The following RPL39L variants were observed in gnomAD, a reference collection of about 807,000 sequenced individuals.
RPL39L encodes the protein ribosomal protein eL39-like 2.
For missense variants in RPL39L, 48 were observed against 58.9 expected (o/e 0.81, Z 0.61); for synonymous variants, 16 against 20.1 (o/e 0.80, Z 0.55).
At chr3:187,137,516 AG>A in intron 1 of RPL39L, among the ~76,000 whole-genome samples, 1 of 152,240 alleles carries the variant, frequency 6.6e-6, no homozygotes, top group East Asian at 1.9e-4. Context: ...TCTTCAAAAA[AG>A]AAAAAGAAAA....
intron 1 of RPL39L, among the ~76,000 whole-genome samples, chr3:187,131,161 C>T (rs1311340764): frequency 2.6e-5 from 4 of 152,188 alleles, no homozygotes; most frequent in Admixed American, 6.5e-5. Flanking sequence ...TCTGTATTTG[C>T]GACCACTGTC....
At chr3:187,125,864 C>T (rs1287260055) in intron 2 of RPL39L, among the ~76,000 whole-genome samples, 3 of 152,104 alleles carry the variant, frequency 2.0e-5, no homozygotes, top group South Asian at 2.1e-4. Context: ...TATCACAAAT[C>T]GTGAAGTGGA....
intron 1 of RPL39L, among the ~76,000 whole-genome samples, chr3:187,129,037 C>T (rs1307786639): frequency 6.6e-6 from 1 of 152,106 alleles, no homozygotes; most frequent in Non-Finnish European, 1.5e-5. Flanking sequence ...TGTTATGATG[C>T]CTAATCATTA....
chr3:187,122,593 GAGAA>G (rs992394373), intron 2 of RPL39L, among the ~76,000 whole-genome samples: 3 of 152,088 alleles, frequency 2.0e-5, no homozygotes, highest in Admixed American at 1.3e-4. Flanking sequence ...GCAGGAAGAA[GAGAA>G]AGAAAGAAAG....
intron 1 of RPL39L, among the ~76,000 whole-genome samples, chr3:187,130,448 G>GTC (rs1441251646): frequency 6.6e-6 from 1 of 152,154 alleles, no homozygotes; most frequent in Non-Finnish European, 1.5e-5. Context: ...TGGTGCTGCC[G>GTC]TCGTGACAGT....
At chr3:187,123,127 G>C (rs1720340949) in intron 2 of RPL39L, among the ~76,000 whole-genome samples, 1 of 152,134 alleles carries the variant, frequency 6.6e-6, no homozygotes, top group South Asian at 2.1e-4. Flanking sequence ...AGACACTTCT[G>C]AGACAACTGC....
intron 1 of RPL39L, among the ~76,000 whole-genome samples, chr3:187,138,676 G>A (rs1168827980): frequency 6.6e-6 from 1 of 152,154 alleles, no homozygotes; most frequent in Non-Finnish European, 1.5e-5. Context: ...GAGGTGGCAG[G>A]GCGGAACATG....
chr3:187,131,373 C>A (rs1323117009), intron 1 of RPL39L, among the ~76,000 whole-genome samples: 2 of 152,098 alleles, frequency 1.3e-5, no homozygotes, highest in African/African-American at 4.8e-5. Flanking sequence ...CCTGTCTCTA[C>A]TAAAAATACA....
intron 2 of RPL39L, among the ~76,000 whole-genome samples, chr3:187,125,688 A>G (rs1033004598): frequency 1.3e-5 from 2 of 151,652 alleles, no homozygotes; most frequent in Non-Finnish European, 2.9e-5. Context: ...TCCCCACTAT[A>G]TAAACCCCTA....
chr3:187,134,166 A>T (rs1294548911), intron 1 of RPL39L, among the ~76,000 whole-genome samples: 1 of 152,144 alleles, frequency 6.6e-6, no homozygotes, highest in Non-Finnish European at 1.5e-5. Flanking sequence ...CAGCAACATG[A>T]ATGACCAGAG....
chr3:187,134,158 G>C (rs1300561077), intron 1 of RPL39L, among the ~76,000 whole-genome samples: 1 of 151,926 alleles, frequency 6.6e-6, no homozygotes, highest in Non-Finnish European at 1.5e-5. Flanking sequence ...AAAATAGACA[G>C]CAACATGAAT....
At chr3:187,131,459 C>T (rs1266446388) in intron 1 of RPL39L, among the ~76,000 whole-genome samples, 1 of 152,226 alleles carries the variant, frequency 6.6e-6, no homozygotes, top group African/African-American at 2.4e-5. Context: ...ATTGCTTGAA[C>T]TCAGGAGACG....
intron 2 of RPL39L, among the ~76,000 whole-genome samples, chr3:187,123,521 C>A (rs1367119508): frequency 6.6e-6 from 1 of 152,186 alleles, no homozygotes; most frequent in Admixed American, 6.5e-5. Flanking sequence ...ATCTAGCAGA[C>A]CCTGTTCTAC....
At chr3:187,124,820 C>A (rs1288727714) in intron 2 of RPL39L, among the ~76,000 whole-genome samples, 6 of 152,138 alleles carry the variant, frequency 3.9e-5, no homozygotes, top group Admixed American at 2.0e-4. Flanking sequence ...ATGGTTAGAC[C>A]ACTTAAATTA....
At chr3:187,135,174 G>A (rs1720553819) in intron 1 of RPL39L, among the ~76,000 whole-genome samples, 1 of 152,138 alleles carries the variant, frequency 6.6e-6, no homozygotes, top group Non-Finnish European at 1.5e-5. Context: ...GTGTCTACTG[G>A]GGTGGAGATC....
chr3:187,134,803 C>T (rs1220414645), intron 1 of RPL39L, among the ~76,000 whole-genome samples: 2 of 152,320 alleles, frequency 1.3e-5, no homozygotes, highest in African/African-American at 4.8e-5. Context: ...CAGGACAAGA[C>T]CAAGCCTTTC....
At chr3:187,132,797 T>A (rs1343041546) in intron 1 of RPL39L, among the ~76,000 whole-genome samples, 41 of 152,190 alleles carry the variant, frequency 2.7e-4, no homozygotes, top group Admixed American at 2.6e-3. Context: ...AACTGGACTT[T>A]CCCAGTATGA....
chr3:187,138,160 T>C (rs1720617593), intron 1 of RPL39L, among the ~76,000 whole-genome samples: 1 of 152,164 alleles, frequency 6.6e-6, no homozygotes, highest in South Asian at 2.1e-4. Flanking sequence ...TATTTTTATA[T>C]AGTTACATGA....
intron 2 of RPL39L, among the ~76,000 whole-genome samples, chr3:187,124,536 T>C (rs972429075): frequency 1.3e-5 from 2 of 152,196 alleles, no homozygotes; most frequent in African/African-American, 2.4e-5. Flanking sequence ...GAGACATACA[T>C]TTCCTGCCCC....
Sources: allele counts gnomAD v4.1 joint callset (sites outside exome capture counted in the v4.1 genomes callset), GRCh38; gene constraint gnomAD v4.1.1; transcripts MANE v1.5; gene names NCBI Gene and HGNC (gene_info 2026-07-23, HGNC 2026-07-21).